The following CFAP47 variants were observed in gnomAD, a reference collection of about 807,000 sequenced individuals.
CFAP47 encodes cilia- and flagella-associated protein 47.
In CFAP47, 29 loss-of-function variants were observed where a neutral mutation model predicts 148.1. That is an observed-to-expected ratio of 0.20 (90% CI 0.15 to 0.27). The LOEUF (loss-of-function observed/expected upper bound fraction) is 0.27. Ranked by LOEUF, CFAP47 falls within the 10% of genes least tolerant of loss-of-function variation. The pLI is 1.00. For missense variants in CFAP47, 1,872 were observed against 1,697.5 expected, an observed-to-expected ratio of 1.10 and a Z score of -1.81; for synonymous variants, 664 against 577.3, an observed-to-expected ratio of 1.15 and a Z score of -2.15.
chrX:36,241,113 T>G (rs73199303), intron 48 of CFAP47, among the ~76,000 whole-genome samples: 6,257 of 110,814 alleles, frequency 0.056, 152 homozygotes, highest in Middle Eastern at 0.13. Flanking sequence ...CCAAACAACT[T>G]CTGGGGAAGG....
intron 48 of CFAP47, among the ~76,000 whole-genome samples, chrX:36,247,770 A>T (rs1940635659): frequency 9.0e-6 from 1 of 111,243 alleles, no homozygotes; most frequent in Non-Finnish European, 1.9e-5. Flanking sequence ...GTGACATAAG[A>T]TATATAGATA....
intron 49 of CFAP47, among the ~76,000 whole-genome samples, chrX:36,278,978 C>T (rs1006533010): frequency 2.1e-4 from 23 of 111,591 alleles, no homozygotes; most frequent in African/African-American, 7.5e-4. Flanking sequence ...ATATGAAACA[C>T]GTGAAACATC....
In CFAP47 at chrX:36,385,156, A is replaced by G. The variant is rs1942116854; in HGVS notation, c.*150A>G. The G allele has an allele frequency of 2.4e-6, 1 of 420,474 alleles. No individual in the cohort carries two copies. The highest frequency in any genetic ancestry group is 4.1e-6 in the Non-Finnish European group (1 of 244,306). The allele number at this position is 420,474 out of a possible 1,213,427, so 34.7% of individuals were successfully genotyped here. A position where few individuals can be genotyped will look rare whatever the true frequency, so the allele number is the denominator to read the frequency against. ...AAAATTCAATCTGTTCTCTGAATAT[A>G]TTATACTTCATTTGTGAGTTATGAA... On this transcript the variant is annotated 3_prime_UTR_variant, in exon 64 of 64. Coordinates refer to ENST00000378653, the MANE Select transcript of CFAP47 (RefSeq NM_001304548.2).
chrX:36,328,994 C>T (rs1941542802), intron 57 of CFAP47, among the ~76,000 whole-genome samples: 1 of 110,846 alleles, frequency 9.0e-6, no homozygotes, highest in Non-Finnish European at 1.9e-5. Flanking sequence ...TTTGTGTTCT[C>T]AAGAAATACA....
At chrX:36,097,245 G>C (rs1391236522) in intron 30 of CFAP47, among the ~76,000 whole-genome samples, 4 of 111,607 alleles carry the variant, frequency 3.6e-5, no homozygotes, top group Admixed American at 9.5e-5. Context: ...TGATTACTTA[G>C]TCTTTCTATT....
At chrX:36,049,164 GT>G (rs1316493750) in intron 26 of CFAP47, among the ~76,000 whole-genome samples, 1 of 109,398 alleles carries the variant, frequency 9.1e-6, no homozygotes, top group African/African-American at 3.3e-5. Flanking sequence ...GAGAAGTGGG[GT>G]TTTTTTTCTT....
chrX:36,209,700 C>G (rs1200111502), intron 45 of CFAP47, among the ~76,000 whole-genome samples: 1 of 111,610 alleles, frequency 9.0e-6, no homozygotes, highest in East Asian at 2.8e-4. Context: ...ACTCAGATCT[C>G]TAATCCTCTA....
At position 36,353,571 on chromosome X, in the gene CFAP47, T is replaced by C. The variant is rs1174067133; in HGVS notation, c.8741T>C (p.Val2914Ala). 4.3e-6 allele frequency: 5 copies of C among 1,162,098 alleles called. No individual in the cohort carries two copies. In the African/African-American group the frequency reaches 9.0e-5, roughly 21 times the overall value. The change falls in exon 60 of 64, where the codon GTA becomes GCA. Residue 2914 changes from valine to alanine, a missense_variant. Physicochemically the swap from Val to Ala is moderately conservative, Grantham distance 64. Transcript: ENST00000378653. ...CQSRKRAEEK[V>A]EIILNAGFFG... ...TCCAGGAAGCGGGCAGAAGAGAAGG[T>C]AGAAATCATACTGAATGCTGGTTTT...
chrX:36,059,663 T>C (rs1937579057), intron 26 of CFAP47, among the ~76,000 whole-genome samples: 1 of 112,188 alleles, frequency 8.9e-6, no homozygotes, highest in African/African-American at 3.2e-5. Context: ...ATAATACATG[T>C]ATATGCCTTC....
intron 25 of CFAP47, among the ~76,000 whole-genome samples, chrX:36,039,609 AG>A (rs988024510): frequency 2.7e-5 from 3 of 112,113 alleles, no homozygotes; most frequent in African/African-American, 9.7e-5. Context: ...GCAGAAGTCA[AG>A]GTGTTGGCTG....
At chrX:36,297,051 A>C (rs1941249595) in intron 51 of CFAP47, among the ~76,000 whole-genome samples, 1 of 112,111 alleles carries the variant, frequency 8.9e-6, no homozygotes, top group South Asian at 3.7e-4. Context: ...TCCTGAAACC[A>C]TTGTAGAAGA....
intron 27 of CFAP47, among the ~76,000 whole-genome samples, chrX:36,071,083 A>G (rs1252402634): frequency 1.3e-4 from 15 of 112,498 alleles, no homozygotes; most frequent in Non-Finnish European, 3.8e-5. Flanking sequence ...TGCCTCTTCA[A>G]TTAAGCCGTT....
chrX:36,091,004 T>G (rs1036716546), intron 30 of CFAP47, among the ~76,000 whole-genome samples: 5 of 111,564 alleles, frequency 4.5e-5, no homozygotes, highest in African/African-American at 1.6e-4. Flanking sequence ...TGAAATCAAT[T>G]AGGAAAGTCA....
At position 36,157,271 on chromosome X, in the gene CFAP47, A is replaced by G. The variant is rs770754808; in HGVS notation, c.5787-2155A>G. 3.3e-4 allele frequency among the ~76,000 whole-genome samples: 37 copies of G among 112,481 alleles called. 1 individual carries two copies. The highest frequency in any genetic ancestry group is 1.1e-3 in the African/African-American group (33 of 31,062). On this transcript the variant is annotated intron_variant, in intron 37 of 63. Transcript: ENST00000378653. The stretch of plus-strand genomic sequence containing the variant: ...CTTAAAATATTTCAGCTTCCCATCA[A>G]CATTTGGATATAGATTGAATATGCT...
intron 46 of CFAP47, among the ~76,000 whole-genome samples, chrX:36,231,555 C>T (rs1940360677): frequency 9.0e-6 from 1 of 111,253 alleles, no homozygotes; most frequent in Admixed American, 9.6e-5. Flanking sequence ...ATGTCATCTG[C>T]AAACAGGGAC....
chrX:35,950,086 G>C (rs1463693681), intron 4 of CFAP47, among the ~76,000 whole-genome samples: 1 of 111,603 alleles, frequency 9.0e-6, no homozygotes, highest in Non-Finnish European at 1.9e-5. Context: ...TGAGAAGGTG[G>C]GGCCTGAGTG....
intron 57 of CFAP47, among the ~76,000 whole-genome samples, chrX:36,337,547 A>C (rs11798697): frequency 0.011 from 1,190 of 111,571 alleles, 6 homozygotes; most frequent in Middle Eastern, 0.018. Flanking sequence ...TGCTATAGTC[A>C]AATTTCCTAC....
chrX:36,191,439 C>A (rs1478728954), intron 42 of CFAP47, among the ~76,000 whole-genome samples: 1 of 111,420 alleles, frequency 9.0e-6, no homozygotes, highest in Non-Finnish European at 1.9e-5. Context: ...CTAAATCTTG[C>A]TTACGTATGT....
intron 2 of CFAP47, among the ~76,000 whole-genome samples, chrX:35,932,756 A>G (rs1935850792): frequency 9.1e-6 from 1 of 109,752 alleles, no homozygotes; most frequent in Non-Finnish European, 1.9e-5. Context: ...CCTCCTGAGT[A>G]GTTGGGATTA....
Sources: gnomAD v4.1 joint callset for allele counts (sites outside exome capture counted in the v4.1 genomes callset) on GRCh38, gnomAD v4.1.1 for gene constraint, MANE v1.5 for transcripts, NCBI Gene and HGNC (gene_info 2026-07-23, HGNC 2026-07-21) for gene names.